Variants in SLC39A11 observed in about 807,000 individuals in gnomAD.
SLC39A11 encodes zinc transporter ZIP11.
In SLC39A11, 33 loss-of-function variants were observed where a neutral mutation model predicts 36.1. The ratio of observed to expected loss-of-function variants is 0.91; its 90% confidence interval spans 0.69 to 1.22. The LOEUF (loss-of-function observed/expected upper bound fraction) is 1.22, where lower values mean the gene tolerates loss of function less well. Among genes scored for constraint, SLC39A11 ranks in the 50% most tolerant of loss-of-function variants. SLC39A11 has a pLI of 0.00. For missense variants in SLC39A11, 432 were observed against 430.3 expected (o/e 1.00, Z -0.03); for synonymous variants, 166 against 170.3 (o/e 0.97, Z 0.20).
intron 4 of SLC39A11, among the ~76,000 whole-genome samples, chr17:73,024,337 C>T (rs1357451995): frequency 6.6e-6 from 1 of 152,202 alleles, no homozygotes; most frequent in Non-Finnish European, 1.5e-5. Context: ...TATAAGAAAG[C>T]ACAATCCTAA....
At chr17:72,703,134 T>C (rs992802708) in intron 7 of SLC39A11, among the ~76,000 whole-genome samples, 2 of 152,078 alleles carry the variant, frequency 1.3e-5, no homozygotes, top group Non-Finnish European at 2.9e-5. Flanking sequence ...CTTGGGTTTA[T>C]TTTATAGGCT....
intron 6 of SLC39A11, chr17:72,838,057 G>A: frequency 1.7e-6 from 2 of 1,145,406 alleles, no homozygotes; most frequent in Non-Finnish European, 2.2e-6. Flanking sequence ...GCTGAAGCAG[G>A]AGGTTCTCTT....
intron 7 of SLC39A11, among the ~76,000 whole-genome samples, chr17:72,673,696 C>T (rs1468439371): frequency 2.6e-5 from 4 of 152,088 alleles, no homozygotes; most frequent in Non-Finnish European, 5.9e-5. Context: ...TGGGCTCCCC[C>T]ATATTTTGGT....
intron 3 of SLC39A11, among the ~76,000 whole-genome samples, chr17:73,081,670 C>CATATATGTATATATGTATGA (rs1568242944): frequency 1.2e-5 from 1 of 82,206 alleles, no homozygotes; most frequent in Non-Finnish European, 2.3e-5. Flanking sequence ...CACACACACA[C>CATATATGTATATATGTATGA]ATATATATAC....
intron 3 of SLC39A11, among the ~76,000 whole-genome samples, chr17:73,058,899 C>G (rs2059753242): frequency 6.6e-6 from 1 of 151,974 alleles, no homozygotes; most frequent in South Asian, 2.1e-4. Flanking sequence ...TTTGGGGTGG[C>G]ATTCCCTGAA....
chr17:72,762,751 T>TA (rs956235812), intron 6 of SLC39A11, among the ~76,000 whole-genome samples: 3 of 152,160 alleles, frequency 2.0e-5, no homozygotes, highest in African/African-American at 7.2e-5. Context: ...CGTACCTCCT[T>TA]AACCTTGTTT....
chr17:72,760,075 G>A (rs944056460), intron 6 of SLC39A11, among the ~76,000 whole-genome samples: 1 of 152,172 alleles, frequency 6.6e-6, no homozygotes, highest in African/African-American at 2.4e-5. Flanking sequence ...CACCAAAGCT[G>A]GAGTGCAGTG....
intron 7 of SLC39A11, among the ~76,000 whole-genome samples, chr17:72,681,222 C>T (rs906377580): frequency 2.0e-5 from 3 of 152,134 alleles, no homozygotes; most frequent in Admixed American, 6.5e-5. Context: ...CCACAGCACC[C>T]GGTCTACATG....
intron 3 of SLC39A11, among the ~76,000 whole-genome samples, chr17:73,035,155 TTGTTTC>T (rs1169381651): frequency 6.6e-6 from 1 of 151,218 alleles, no homozygotes; most frequent in East Asian, 1.9e-4. Context: ...GTTTTTGTTT[TTGTTTC>T]GAGACAGAGT....
At chr17:72,743,799 T>A (rs1568018508) in intron 6 of SLC39A11, among the ~76,000 whole-genome samples, 2 of 152,182 alleles carry the variant, frequency 1.3e-5, no homozygotes. Context: ...GCCCCCAGTG[T>A]CCCACCTCGA....
At chr17:72,860,887 C>T (rs946251187) in intron 5 of SLC39A11, among the ~76,000 whole-genome samples, 7 of 152,108 alleles carry the variant, frequency 4.6e-5, no homozygotes, top group Admixed American at 2.6e-4. Context: ...ATACCCTCTG[C>T]GCCTCAGTTT....
At chr17:73,007,090 A>G (rs1020181367) in intron 4 of SLC39A11, among the ~76,000 whole-genome samples, 5 of 152,202 alleles carry the variant, frequency 3.3e-5, no homozygotes, top group Admixed American at 6.5e-5. Context: ...GCAACCACGC[A>G]GCACGGCGCT....
At chr17:72,672,704 A>G (rs1598300601) in intron 7 of SLC39A11, among the ~76,000 whole-genome samples, 1 of 152,062 alleles carries the variant, frequency 6.6e-6, no homozygotes, top group African/African-American at 2.4e-5. Flanking sequence ...GGCTCCAGTG[A>G]TCTTCTTACT....
At chr17:72,825,339 G>C (rs1436009964) in intron 6 of SLC39A11, among the ~76,000 whole-genome samples, 1 of 152,230 alleles carries the variant, frequency 6.6e-6, no homozygotes, top group Non-Finnish European at 1.5e-5. Context: ...GTGTTCAGAA[G>C]GCAAGAGCTG....
At chr17:72,722,692 T>C (rs2073744261) in intron 7 of SLC39A11, among the ~76,000 whole-genome samples, 2 of 151,924 alleles carry the variant, frequency 1.3e-5, no homozygotes, top group African/African-American at 4.8e-5. Flanking sequence ...TGGAGTACAA[T>C]GGCACGATCT....
chr17:72,955,318 T>TTTTTTTTC (rs60684190), intron 4 of SLC39A11, among the ~76,000 whole-genome samples: 1 of 144,962 alleles, frequency 6.9e-6, no homozygotes, highest in Non-Finnish European at 1.5e-5. Flanking sequence ...TTTTTTTTTT[T>TTTTTTTTC]GTTTGAGACT....
intron 6 of SLC39A11, among the ~76,000 whole-genome samples, chr17:72,781,736 A>G (rs965867903): frequency 6.6e-6 from 1 of 152,092 alleles, no homozygotes. Context: ...TGTTTCTAAT[A>G]CAAGCTCGTG....
chr17:72,836,755 C>G (rs1041359132), intron 6 of SLC39A11, among the ~76,000 whole-genome samples: 2 of 152,094 alleles, frequency 1.3e-5, no homozygotes, highest in Non-Finnish European at 2.9e-5. Flanking sequence ...CCTTGAAAGG[C>G]CCCCGTAAGT....
At chr17:72,978,600 G>A (rs2088045975) in intron 4 of SLC39A11, among the ~76,000 whole-genome samples, 1 of 152,068 alleles carries the variant, frequency 6.6e-6, no homozygotes, top group African/African-American at 2.4e-5. Context: ...CGGGAGGTGG[G>A]ACAGGGCTTG....
Sources: allele counts gnomAD v4.1 joint callset (sites outside exome capture counted in the v4.1 genomes callset), GRCh38; gene constraint gnomAD v4.1.1; transcripts MANE v1.5; gene names NCBI Gene and HGNC (gene_info 2026-07-23, HGNC 2026-07-21).